POU2AF2: variants seen among roughly 807,000 people sequenced by gnomAD.
POU2AF2 encodes the protein POU class 2 homeobox associating factor 2.
the POU2AF2 span, among the ~76,000 whole-genome samples, chr11:111,256,888 G>A: frequency 6.6e-6 from 1 of 152,168 alleles, no homozygotes; most frequent in African/African-American, 2.4e-5. Context: ...AAAATCTTCT[G>A]TGTAACATGC....
At chr11:111,255,943 A>G in the POU2AF2 span, 3 of 398,992 alleles carry the variant, frequency 7.5e-6, no homozygotes, top group Non-Finnish European at 1.3e-5. Context: ...TAACCTAATG[A>G]TTCCATCCAC....
chr11:111,278,556 G>GTCTC, the POU2AF2 span, among the ~76,000 whole-genome samples: 1,425 of 148,428 alleles, frequency 9.6e-3, 12 homozygotes, highest in African/African-American at 0.018. Context: ...CTCTCTCTCT[G>GTCTC]TCTCTCTCTC....
At chr11:111,284,270 T>C in the POU2AF2 span, 1 of 1,613,982 alleles carries the variant, frequency 6.2e-7, no homozygotes, top group Non-Finnish European at 8.5e-7. Context: ...CTACGGAGAC[T>C]ACCGGCCTCC....
chr11:111,247,439 T>C, the POU2AF2 span, among the ~76,000 whole-genome samples: 1 of 152,216 alleles, frequency 6.6e-6, no homozygotes, highest in Non-Finnish European at 1.5e-5. Flanking sequence ...AATCCTAATA[T>C]GTTAACTGAT....
At chr11:111,270,469 CTCTT>C in the POU2AF2 span, among the ~76,000 whole-genome samples, 1 of 152,122 alleles carries the variant, frequency 6.6e-6, no homozygotes, top group Admixed American at 6.5e-5. Flanking sequence ...ACCAGATGAA[CTCTT>C]TCTTTGTAAG....
At chr11:111,266,346 G>A in the POU2AF2 span, among the ~76,000 whole-genome samples, 3 of 152,168 alleles carry the variant, frequency 2.0e-5, no homozygotes, top group South Asian at 2.1e-4. Flanking sequence ...ACCTCAGAAC[G>A]TGTCCCACCC....
At chr11:111,264,745 G>A in the POU2AF2 span, among the ~76,000 whole-genome samples, 1 of 146,304 alleles carries the variant, frequency 6.8e-6, no homozygotes, top group Non-Finnish European at 1.5e-5. Context: ...AAGAAAGGAA[G>A]GAGGGAGGGA....
the POU2AF2 span, among the ~76,000 whole-genome samples, chr11:111,264,643 GAGAGAAAGAAAA>G: frequency 1.6e-5 from 2 of 126,848 alleles, no homozygotes; most frequent in African/African-American, 5.8e-5. Flanking sequence ...GAGAAAGAAA[GAGAGAAAGAAAA>G]AGAAAGAGGG....
the POU2AF2 span, among the ~76,000 whole-genome samples, chr11:111,247,644 T>C: frequency 6.6e-6 from 1 of 151,474 alleles, no homozygotes; most frequent in Admixed American, 6.6e-5. Context: ...AAAATTAGCT[T>C]GGCGTGGTGG....
chr11:111,268,159 T>G, the POU2AF2 span, among the ~76,000 whole-genome samples: 1 of 152,156 alleles, frequency 6.6e-6, no homozygotes, highest in Non-Finnish European at 1.5e-5. Context: ...ATCAGCATAT[T>G]GTCACACCTG....
the POU2AF2 span, among the ~76,000 whole-genome samples, chr11:111,280,243 G>T: frequency 6.6e-6 from 1 of 151,690 alleles, no homozygotes; most frequent in Non-Finnish European, 1.5e-5. Flanking sequence ...TCACAGTCAA[G>T]GTCCCTACAG....
chr11:111,257,628 C>A, the POU2AF2 span, among the ~76,000 whole-genome samples: 1 of 152,154 alleles, frequency 6.6e-6, no homozygotes, highest in Non-Finnish European at 1.5e-5. Context: ...CCTGCCTCGG[C>A]CTCTCAGAGT....
chr11:111,284,951 T>C, the POU2AF2 span, among the ~76,000 whole-genome samples: 1 of 152,130 alleles, frequency 6.6e-6, no homozygotes, highest in African/African-American at 2.4e-5. Flanking sequence ...CACAAAGTAA[T>C]GAAGCTCTAA....
chr11:111,256,624 G>A, the POU2AF2 span, among the ~76,000 whole-genome samples: 2 of 152,218 alleles, frequency 1.3e-5, no homozygotes, highest in African/African-American at 4.8e-5. Flanking sequence ...AAATGAGTTA[G>A]GCAAAATGAC....
At chr11:111,271,191 C>A in the POU2AF2 span, among the ~76,000 whole-genome samples, 1 of 151,952 alleles carries the variant, frequency 6.6e-6, no homozygotes, top group Non-Finnish European at 1.5e-5. Context: ...GATGTGGTGG[C>A]AGATGCCTGT....
the POU2AF2 span, among the ~76,000 whole-genome samples, chr11:111,276,453 AATATAT>A: frequency 1.5e-3 from 55 of 37,566 alleles, no homozygotes; most frequent in Middle Eastern, 0.014. Context: ...AAAAAAAAAA[AATATAT>A]ATATATATAT....
the POU2AF2 span, among the ~76,000 whole-genome samples, chr11:111,274,566 G>T: frequency 6.6e-6 from 1 of 151,602 alleles, no homozygotes; most frequent in Non-Finnish European, 1.5e-5. Flanking sequence ...ATGTGTGTGT[G>T]TAAGAAAGAA....
At chr11:111,248,158 G>A in the POU2AF2 span, among the ~76,000 whole-genome samples, 1 of 152,032 alleles carries the variant, frequency 6.6e-6, no homozygotes, top group South Asian at 2.1e-4. Flanking sequence ...TCTCCTGGAG[G>A]TTTTCCACAA....
the POU2AF2 span, among the ~76,000 whole-genome samples, chr11:111,254,989 T>G: frequency 9.7e-3 from 1,472 of 152,318 alleles, 33 homozygotes; most frequent in African/African-American, 0.032. Context: ...ACTAATACAG[T>G]GTATAAATGC....
Sources: gnomAD v4.1 joint callset for allele counts (sites outside exome capture counted in the v4.1 genomes callset) on GRCh38, gnomAD v4.1.1 for gene constraint, MANE v1.5 for transcripts, NCBI Gene and HGNC (gene_info 2026-07-23, HGNC 2026-07-21) for gene names.